Variants in NBPF11 observed in about 807,000 individuals in gnomAD.
NBPF11 encodes NBPF family member NBPF11.
A neutral mutation model predicts 93.9 loss-of-function variants in NBPF11; 72 were observed. The ratio of observed to expected loss-of-function variants is 0.77; its 90% CI spans 0.63 to 0.93. The LOEUF (loss-of-function observed/expected upper bound fraction) is 0.93. Ranked by LOEUF, NBPF11 falls within the 40% of genes least tolerant of loss-of-function variation. The pLI is 0.00. For synonymous variants in NBPF11, 224 were observed against 304.9 expected, an observed-to-expected ratio of 0.73 and a Z score of 2.76; for missense variants, 705 against 802.2, an observed-to-expected ratio of 0.88 and a Z score of 1.46.
chr1:148,108,842 G>GACACAAAGACAC (rs1664487814), intron 17 of NBPF11, among the ~76,000 whole-genome samples, 188 bp from the exon 18 acceptor site: 1 of 112,812 alleles, frequency 8.9e-6, no homozygotes, highest in Non-Finnish European at 1.8e-5. Flanking sequence ...GAAAGAGAAA[G>GACACAAAGACAC]ACACACACAC....
chr1:148,104,004 T>G (rs2149158266), intron 23 of NBPF11, 92 bp from the exon 24 acceptor site: 1 of 1,607,460 alleles, frequency 6.2e-7, no homozygotes, highest in Admixed American at 1.7e-5. Flanking sequence ...AGGAAGTGGT[T>G]GGAAAAGAAA....
intron 4 of NBPF11, among the ~76,000 whole-genome samples, chr1:148,132,435 A>G (rs1161906991): frequency 4.7e-5 from 7 of 149,260 alleles, no homozygotes; most frequent in Admixed American, 3.3e-4. Flanking sequence ...GAATTCATTC[A>G]CCATTATTCT....
intron 1 of NBPF11, chr1:148,149,081 G>A: frequency 7.7e-7 from 1 of 1,294,710 alleles, no homozygotes; most frequent in South Asian, 1.4e-5. Context: ...CGCATCCGGA[G>A]CTGGGCCCGG....
intron 8 of NBPF11, 42 bp from the exon 9 acceptor site, chr1:148,122,308 C>T: frequency 1.2e-6 from 2 of 1,609,982 alleles, no homozygotes; most frequent in Non-Finnish European, 1.7e-6. Context: ...AGATTAAACA[C>T]AGAGGGATTG....
chr1:148,145,052 G>A (rs1672773239), intron 1 of NBPF11, among the ~76,000 whole-genome samples: 2 of 148,414 alleles, frequency 1.3e-5, no homozygotes, highest in African/African-American at 5.1e-5. Flanking sequence ...GCAGTGAGCT[G>A]AGATTATGCC....
intron 4 of NBPF11, among the ~76,000 whole-genome samples, chr1:148,132,547 T>C (rs1426934724): frequency 5.3e-5 from 8 of 149,796 alleles, no homozygotes; most frequent in Admixed American, 3.3e-4. Flanking sequence ...GGAATTTTTA[T>C]TAGAATTGCA....
chr1:148,120,821 T>C (rs3992674), intron 9 of NBPF11, 111 bp from the exon 10 acceptor site: 7 of 873,936 alleles, frequency 8.0e-6, no homozygotes, highest in Non-Finnish European at 1.4e-5. Context: ...TTTGAAGATG[T>C]TGTTTCCCTG....
intron 9 of NBPF11, among the ~76,000 whole-genome samples, chr1:148,121,348 CTTT>C (rs782740427): frequency 4.8e-5 from 6 of 124,814 alleles, no homozygotes; most frequent in Admixed American, 1.7e-4. Context: ...TGGTCAGAGA[CTTT>C]TTTTTTTTTT....
intron 1 of NBPF11, among the ~76,000 whole-genome samples, chr1:148,144,201 C>G (rs1179919059): frequency 2.0e-5 from 3 of 147,316 alleles, no homozygotes; most frequent in Non-Finnish European, 3.0e-5. Context: ...ATCTACTGGT[C>G]TATCTGGTCT....
At chr1:148,125,556 G>A (rs1668915152) in intron 5 of NBPF11, among the ~76,000 whole-genome samples, 2 of 151,972 alleles carry the variant, frequency 1.3e-5, no homozygotes, top group African/African-American at 2.4e-5. Flanking sequence ...AAGAAAATAT[G>A]CCCAAATACT....
intron 9 of NBPF11, among the ~76,000 whole-genome samples, chr1:148,121,799 G>A (rs1456616654): frequency 1.3e-5 from 2 of 151,952 alleles, no homozygotes; most frequent in African/African-American, 4.8e-5. Context: ...GCAGCACCAT[G>A]CCTGCCTAAT....
At chr1:148,134,330 A>G (rs1670920648) in intron 4 of NBPF11, among the ~76,000 whole-genome samples, 1 of 151,380 alleles carries the variant, frequency 6.6e-6, no homozygotes, top group Non-Finnish European at 1.5e-5. Context: ...GCAGGGAGGG[A>G]GAGGGAAGAA....
chr1:148,149,678 C>T, intron 1 of NBPF11: 1 of 787,706 alleles, frequency 1.3e-6, no homozygotes. Context: ...CCAGGGGACC[C>T]CGCCCCGACC....
rs1401773984 is a variant in NBPF11, at chr1:148,120,575, T to C, written c.914A>G (p.Gln305Arg). The C allele has an allele frequency of 7.5e-7, 1 of 1,340,502 alleles. No individual in the cohort carries two copies. The highest frequency in any genetic ancestry group is 1.7e-5 in the Admixed American group (1 of 59,682). The allele number at this position is 1,340,502 out of a possible 1,614,324, so 83.0% of individuals were successfully genotyped here. The change falls in exon 10 of 24, where the codon CAG (glutamine) becomes CGG (arginine). Residue 305 changes from glutamine (Q) to arginine (R), a missense_variant. Coordinates refer to ENST00000682118, the MANE Select transcript of NBPF11 (RefSeq NM_001385469.3). ...ACATTTCTCTTTGAGGCTTCTGAAC[T>C]GCTGTTTCTTCTCTGCCAGCTGGGG... ...LCPQLAEKKQ[Q>R]FRSLKEKCFV...
chr1:148,150,266 G>A (rs1647953727), intron 1 of NBPF11, among the ~76,000 whole-genome samples: 1 of 145,872 alleles, frequency 6.9e-6, no homozygotes, highest in East Asian at 2.0e-4. Context: ...ACCACACACA[G>A]CTAATTTTTG....
Position 148,109,006 on chromosome 1 carries a change from T to C in NBPF11, c.1853+278A>G, listed in dbSNP as rs1419601534. Among the ~76,000 whole-genome samples the C allele has an allele frequency of 1.5e-3, 234 of 151,548 alleles. 2 individuals carry two copies. The highest frequency in any genetic ancestry group is 6.2e-3 in the East Asian group (32 of 5,124). On this transcript the variant is annotated intron_variant, in intron 17 of 23. Transcript: ENST00000682118. ...GTGATCATGAAAAGCATGGCCTCAA[T>C]AATTTTGCATAAAATGTGCTCAAGT... is the stretch of plus-strand genomic sequence containing the variant.
chr1:148,129,166 T>C (rs1353187587), intron 4 of NBPF11, among the ~76,000 whole-genome samples: 1,467 of 137,362 alleles, frequency 0.011, 39 homozygotes, highest in African/African-American at 0.037. Context: ...TATATATATA[T>C]ACACATATAT....
At chr1:148,150,889 G>A (rs1309725834) in intron 1 of NBPF11, among the ~76,000 whole-genome samples, 2 of 151,696 alleles carry the variant, frequency 1.3e-5, no homozygotes, top group East Asian at 3.9e-4. Context: ...CACCATGCCC[G>A]GCTAATTTTT....
intron 5 of NBPF11, among the ~76,000 whole-genome samples, chr1:148,125,785 A>T (rs1236786370): frequency 4.6e-5 from 7 of 151,966 alleles, no homozygotes; most frequent in Non-Finnish European, 1.0e-4. Flanking sequence ...CCCTCTGAAC[A>T]GATGAGGAAA....
Sources: gnomAD v4.1 joint callset for allele counts (sites outside exome capture counted in the v4.1 genomes callset) on GRCh38, gnomAD v4.1.1 for gene constraint, MANE v1.5 for transcripts, NCBI Gene and HGNC (gene_info 2026-07-23, HGNC 2026-07-21) for gene names.